BRINP3: variants seen among roughly 807,000 people sequenced by gnomAD.
The protein encoded by BRINP3 is BMP/retinoic acid-inducible neural-specific protein 3.
BRINP3 carries 19 observed loss-of-function variants against 71.0 expected under a neutral mutation model. That is an observed-to-expected ratio of 0.27 (90% confidence interval 0.19 to 0.39). BRINP3 has a LOEUF of 0.39. Among genes scored for constraint, BRINP3 ranks in the 10% least tolerant of loss-of-function variants. The pLI, the probability that BRINP3 is intolerant of heterozygous loss-of-function variation, is 1.00. For missense variants in BRINP3, 959 were observed against 940.8 expected (o/e 1.02, Z -0.25); for synonymous variants, 380 against 337.7 (o/e 1.13, Z -1.37).
intron 4 of BRINP3, among the ~76,000 whole-genome samples, chr1:190,248,745 T>C (rs1571501882): frequency 6.6e-6 from 1 of 151,658 alleles, no homozygotes; most frequent in Admixed American, 6.6e-5. Flanking sequence ...TTTATATACA[T>C]TCAAACACAC....
intron 2 of BRINP3, among the ~76,000 whole-genome samples, chr1:190,353,063 C>T (rs1050268032): frequency 5.3e-5 from 8 of 150,842 alleles, no homozygotes; most frequent in Non-Finnish European, 1.0e-4. Context: ...AAAACAAAAT[C>T]TTCATTTATT....
At chr1:190,314,481 G>T (rs1665749540) in intron 2 of BRINP3, among the ~76,000 whole-genome samples, 1 of 152,078 alleles carries the variant, frequency 6.6e-6, no homozygotes, top group Non-Finnish European at 1.5e-5. Flanking sequence ...GTAGAGGAAA[G>T]GAACAAAAGA....
chr1:190,161,128 T>G (rs1657322719), intron 6 of BRINP3, among the ~76,000 whole-genome samples: 1 of 152,066 alleles, frequency 6.6e-6, no homozygotes, highest in South Asian at 2.1e-4. Flanking sequence ...AGAAGAAAAC[T>G]AAAATAATTT....
intron 6 of BRINP3, among the ~76,000 whole-genome samples, chr1:190,174,130 T>C (rs1346862475): frequency 1.3e-5 from 2 of 152,166 alleles, no homozygotes; most frequent in African/African-American, 4.8e-5. Flanking sequence ...TGCTTGTAAG[T>C]CACTTTATAA....
chr1:190,472,160 T>C (rs752477653), intron 1 of BRINP3, among the ~76,000 whole-genome samples: 1 of 151,804 alleles, frequency 6.6e-6, no homozygotes, highest in Non-Finnish European at 1.5e-5. Flanking sequence ...ATATCTCTTA[T>C]GTCATTTTAT....
intron 2 of BRINP3, among the ~76,000 whole-genome samples, chr1:190,347,209 C>T (rs530147738): frequency 3.9e-5 from 6 of 152,148 alleles, no homozygotes; most frequent in Admixed American, 2.6e-4. Context: ...GGTGCAATTT[C>T]GGTTCACTAC....
At chr1:190,239,996 T>A (rs969072659) in intron 4 of BRINP3, among the ~76,000 whole-genome samples, 2 of 151,626 alleles carry the variant, frequency 1.3e-5, no homozygotes, top group African/African-American at 4.8e-5. Context: ...ATTTTTTTTT[T>A]ATTTCAAGGC....
chr1:190,476,228 A>C (rs1322916636), intron 1 of BRINP3, among the ~76,000 whole-genome samples: 1 of 146,214 alleles, frequency 6.8e-6, no homozygotes, highest in Non-Finnish European at 1.5e-5. Flanking sequence ...CAATGACGAC[A>C]AGAATAGTTA....
chr1:190,126,781 C>A (rs1383143815), intron 7 of BRINP3, among the ~76,000 whole-genome samples: 2 of 151,862 alleles, frequency 1.3e-5, no homozygotes, highest in African/African-American at 4.8e-5. Context: ...CAGGAATTAT[C>A]TGATGCATTT....
intron 2 of BRINP3, among the ~76,000 whole-genome samples, chr1:190,306,733 C>T (rs1185111649): frequency 2.0e-5 from 3 of 151,588 alleles, no homozygotes; most frequent in African/African-American, 7.3e-5. Flanking sequence ...TATTGTACAG[C>T]AGGCACATTT....
intron 7 of BRINP3, among the ~76,000 whole-genome samples, chr1:190,122,396 T>C (rs184077924): frequency 4.5e-4 from 69 of 152,174 alleles, no homozygotes; most frequent in African/African-American, 1.5e-3. Context: ...GATAAGTTCA[T>C]ATCAGAATAG....
chr1:190,169,703 G>A (rs1350431449), intron 6 of BRINP3, among the ~76,000 whole-genome samples: 1 of 152,046 alleles, frequency 6.6e-6, no homozygotes, highest in African/African-American at 2.4e-5. Flanking sequence ...AATTATTACT[G>A]TTATAATAAT....
chr1:190,389,930 C>A (rs1036649502), intron 2 of BRINP3, among the ~76,000 whole-genome samples: 8 of 151,616 alleles, frequency 5.3e-5, no homozygotes, highest in African/African-American at 1.9e-4. Context: ...GTCCAAAAGT[C>A]CAGAGAAATT....
At chr1:190,412,394 A>T (rs201203639) in intron 2 of BRINP3, among the ~76,000 whole-genome samples, 6 of 65,792 alleles carry the variant, frequency 9.1e-5, no homozygotes, top group Admixed American at 1.7e-4. Flanking sequence ...ATATATATAT[A>T]TTATATATAT....
chr1:190,391,097 G>GAGC (rs1671224539), intron 2 of BRINP3, among the ~76,000 whole-genome samples: 1 of 151,750 alleles, frequency 6.6e-6, no homozygotes, highest in Non-Finnish European at 1.5e-5. Context: ...GTCTGATTTG[G>GAGC]AGCAGAAGGA....
At chr1:190,386,815 C>A (rs1474291992) in intron 2 of BRINP3, among the ~76,000 whole-genome samples, 1 of 152,116 alleles carries the variant, frequency 6.6e-6, no homozygotes, top group Non-Finnish European at 1.5e-5. Context: ...AAAGGGCTTA[C>A]AACTCATATT....
intron 2 of BRINP3, among the ~76,000 whole-genome samples, chr1:190,331,645 T>G (rs1311669678): frequency 6.6e-6 from 1 of 152,074 alleles, no homozygotes; most frequent in Non-Finnish European, 1.5e-5. Context: ...ACCCAGCATC[T>G]GAACTTCTCC....
rs77239698 is a variant in BRINP3 at position 190,380,167 on chromosome 1, T to G, written c.236+74488A>C. ...CAATAGTCCAGGTCAAATATGATGA[T>G]ATCTTAAACTAAGTTTGGGATATGA... On this transcript the variant is annotated intron_variant, in intron 2 of 7. Transcript: ENST00000367462. 3.2e-3 allele frequency among the ~76,000 whole-genome samples: 486 copies of G among 152,246 alleles called. 6 individuals carry two copies. Among genetic ancestry groups the G allele is most frequent in the African/African-American group, 0.011 (458 of 41,554 alleles).
intron 4 of BRINP3, among the ~76,000 whole-genome samples, chr1:190,249,352 C>A (rs1659906788): frequency 1.3e-5 from 2 of 151,722 alleles, no homozygotes; most frequent in African/African-American, 4.8e-5. Flanking sequence ...ATATGGAGTA[C>A]TAAATATTTT....
Sources: allele counts gnomAD v4.1 joint callset (sites outside exome capture counted in the v4.1 genomes callset), GRCh38; gene constraint gnomAD v4.1.1; transcripts MANE v1.5; gene names NCBI Gene and HGNC (gene_info 2026-07-23, HGNC 2026-07-21).